Variants in ELAVL1 observed in about 807,000 individuals in gnomAD.
The protein encoded by ELAVL1 is ELAV like RNA binding protein 1.
A neutral mutation model predicts 28.4 loss-of-function variants in ELAVL1; 1 was observed. The observed-to-expected ratio is 0.04, with a 90% CI of 0.01 to 0.17. The LOEUF (loss-of-function observed/expected upper bound fraction) is 0.17. Ranked by LOEUF, ELAVL1 falls within the 10% of genes least tolerant of loss-of-function variation. The pLI is 1.00. For synonymous variants in ELAVL1, 174 were observed against 183.5 expected (o/e 0.95, Z 0.42); for missense variants, 157 against 447.2 (o/e 0.35, Z 5.85).
chr19:7,962,555 G>A lies in ELAVL1; in HGVS notation c.*928C>T, dbSNP rs1241793194. 6.6e-6 allele frequency: 1 copy of A among 152,504 alleles called. No individual in the cohort carries two copies. The highest frequency in any genetic ancestry group is 1.5e-5 in the Non-Finnish European group (1 of 68,024). The allele number at this position is 152,504 out of a possible 1,614,324, so 9.4% of individuals were successfully genotyped here. On this transcript the variant is annotated 3_prime_UTR_variant, in exon 6 of 6. Transcript: ENST00000407627. ...AAAAAGGTCTAAGCGCTCACGAGAA[G>A]GGATGCGAGAAATACAATGCTCAAA...
intron 3 of ELAVL1, among the ~76,000 whole-genome samples, chr19:7,980,779 A>G (rs1206865540): frequency 6.6e-6 from 1 of 152,170 alleles, no homozygotes; most frequent in Admixed American, 6.5e-5. Context: ...GCGCAGAGGG[A>G]GCACTGGGCA....
chr19:7,985,065 G>A (rs1395471978), intron 2 of ELAVL1, among the ~76,000 whole-genome samples: 1 of 152,152 alleles, frequency 6.6e-6, no homozygotes, highest in East Asian at 1.9e-4. Context: ...GACTAGAGGG[G>A]CACGCCACCA....
At chr19:7,977,209 T>A (rs1440780970) in intron 3 of ELAVL1, among the ~76,000 whole-genome samples, 1 of 152,068 alleles carries the variant, frequency 6.6e-6, no homozygotes, top group Non-Finnish European at 1.5e-5. Context: ...GTGACAGGAG[T>A]TCTGCTGTTC....
chr19:7,983,026 C>A (rs1043157658), intron 2 of ELAVL1, among the ~76,000 whole-genome samples: 1 of 152,218 alleles, frequency 6.6e-6, no homozygotes, highest in African/African-American at 2.4e-5. Flanking sequence ...CCACCCCTTT[C>A]CACACTGCCC....
In ELAVL1 at chr19:7,979,458, G is replaced by A. The variant is rs548404768; in HGVS notation, c.276+1625C>T. Among the ~76,000 whole-genome samples the A allele has an allele frequency of 7.2e-5, 11 of 152,224 alleles. No individual in the cohort carries two copies. The highest frequency in any genetic ancestry group is 1.4e-4 in the African/African-American group (6 of 41,458). The stretch of plus-strand genomic sequence containing the variant: ...ACCCGGCTCCTGCATCTGAGTAAAC[G>A]GAACAGCTGTGCAGGAATAATCAAG... On this transcript the variant is annotated intron_variant, in intron 3 of 5. Transcript: ENST00000407627. The surrounding 1 kb of genome is among the most constrained non-coding windows in gnomAD (Gnocchi z 5.4).
chr19:7,991,877 A>G (rs1255493711), intron 1 of ELAVL1, 46 bp from the exon 2 acceptor site: 4 of 1,476,770 alleles, frequency 2.7e-6, no homozygotes, highest in Non-Finnish European at 2.7e-6. Flanking sequence ...TTCATATTGC[A>G]GTATATGAAG....
chr19:7,982,573 G>A lies in ELAVL1; in HGVS notation c.173-1387C>T, dbSNP rs1985491987. Among the ~76,000 whole-genome samples the A allele has an allele frequency of 6.6e-6, 1 of 152,190 alleles. No homozygotes were observed. The highest frequency in any genetic ancestry group is 1.5e-5 in the Non-Finnish European group (1 of 68,032). On this transcript the variant is annotated intron_variant, in intron 2 of 5. Coordinates refer to ENST00000407627, the MANE Select transcript of ELAVL1 (RefSeq NM_001419.3). This position sits in a 1 kb window ranked among gnomAD's most constrained non-coding sequence, Gnocchi z 4.3. ...TTTTAGGTTTACAGAAAAATTACAAGGATAATACCAAGTTCCCATATGGCC... is the reference window on the plus strand; with the variant it reads ...TTTTAGGTTTACAGAAAAATTACAAAGATAATACCAAGTTCCCATATGGCC...
Position 7,994,227 on chromosome 19 carries a change from T to C in ELAVL1, c.-16-2396A>G, listed in dbSNP as rs553198459. On this transcript the variant is annotated intron_variant, in intron 1 of 5. Coordinates refer to ENST00000407627, the MANE Select transcript of ELAVL1 (RefSeq NM_001419.3). ...CTGTGGTTTTCACACTGGGCCATTC[T>C]GCCCCCAAGGGGACACAGGGCAATG... is the stretch of plus-strand genomic sequence containing the variant. Among the ~76,000 whole-genome samples the C allele has an allele frequency of 8.0e-5, 12 of 150,936 alleles. No individual in the cohort carries two copies. The Admixed American group carries it at 8.0e-4, about 10-fold the overall frequency.
At chr19:7,969,353 TGTCCTGTCTCCAC>T (rs1276264980) in intron 4 of ELAVL1, among the ~76,000 whole-genome samples, 1 of 152,184 alleles carries the variant, frequency 6.6e-6, no homozygotes, top group Non-Finnish European at 1.5e-5. Context: ...ACTGTCCCCA[TGTCCTGTCTCCAC>T]GCCTCACACG....
At position 7,981,473 on chromosome 19, in the gene ELAVL1, T is replaced by A. The variant is rs1196670448; in HGVS notation, c.173-287A>T. 6.6e-6 allele frequency among the ~76,000 whole-genome samples: 1 copy of A among 150,634 alleles called. No homozygotes were observed. Among genetic ancestry groups the A allele is most frequent in the Non-Finnish European group, 1.5e-5 (1 of 67,766 alleles). On this transcript the variant is annotated intron_variant, in intron 2 of 5. Transcript: ENST00000407627. The surrounding 1 kb of genome is among the most constrained non-coding windows in gnomAD (Gnocchi z 4.2). ...CTTGGGCTCAAGACAGCCTCCCACC[T>A]CAGCCTCCAGAGTATCTGGGACTAC...
chr19:8,002,288 A>T (rs1599205139), intron 1 of ELAVL1: 1 of 431,248 alleles, frequency 2.3e-6, no homozygotes, highest in East Asian at 7.1e-5. Context: ...TCCAGGAAGC[A>T]TTCTGGGCTC....
rs1375618703 is a variant in ELAVL1, at chr19:7,959,526, G to C, written c.*3957C>G. On this transcript the variant is annotated 3_prime_UTR_variant, in exon 6 of 6. Coordinates refer to ENST00000407627, the MANE Select transcript of ELAVL1 (RefSeq NM_001419.3). ...CTCCGTTAGCCTAACTTAGGTACTG[G>C]CGGTGACTTACAAGTGAGAAAAAAA... 6.6e-6 allele frequency: 1 copy of C among 152,214 alleles called. No individual in the cohort carries two copies. The highest frequency in any genetic ancestry group is 1.9e-4 in the East Asian group (1 of 5,208). The allele number at this position is 152,214 out of a possible 1,614,324, so 9.4% of individuals were successfully genotyped here.
chr19:7,980,653 G>C (rs541130495), intron 3 of ELAVL1, among the ~76,000 whole-genome samples: 1 of 152,316 alleles, frequency 6.6e-6, no homozygotes, highest in Admixed American at 6.5e-5. Flanking sequence ...CTTGTTTACT[G>C]TCTGCACCCC....
rs1984747332 is a variant in ELAVL1, at chr19:7,959,510, C to T, written c.*3973G>A. On this transcript the variant is annotated 3_prime_UTR_variant, in exon 6 of 6. Transcript: ENST00000407627. ...CCAGTCCTGTCAAAGTCTCCGTTAG[C>T]CTAACTTAGGTACTGGCGGTGACTT... 1 of 152,062 alleles carries T rather than the reference C, an allele frequency of 6.6e-6. No individual in the cohort carries two copies. The highest frequency in any genetic ancestry group is 2.4e-5 in the African/African-American group (1 of 41,322). The allele number at this position is 152,062 out of a possible 1,614,324, so 9.4% of individuals were successfully genotyped here.
Position 7,982,422 on chromosome 19 carries a change from T to C in ELAVL1, c.173-1236A>G, listed in dbSNP as rs1221731228. 6.6e-6 allele frequency among the ~76,000 whole-genome samples: 1 copy of C among 152,074 alleles called. No individual in the cohort carries two copies. Among genetic ancestry groups the C allele is most frequent in the African/African-American group, 2.4e-5 (1 of 41,408 alleles). Reference sequence around the variant, plus strand: ...GCCTGGAGCCCCACTGAGGCAGAGATCCTCCTGGCAGCTGGGCCAGGGACA... The same window carrying C: ...GCCTGGAGCCCCACTGAGGCAGAGACCCTCCTGGCAGCTGGGCCAGGGACA... On this transcript the variant is annotated intron_variant, in intron 2 of 5. Transcript: ENST00000407627. The surrounding 1 kb of genome is among the most constrained non-coding windows in gnomAD (Gnocchi z 4.3).
chr19:7,989,818 GAGA>G (rs1350120008), intron 2 of ELAVL1, among the ~76,000 whole-genome samples: 5 of 152,240 alleles, frequency 3.3e-5, no homozygotes, highest in Admixed American at 6.5e-5. Flanking sequence ...GTTGGAAGGA[GAGA>G]AGGCTTTCTT....
At chr19:7,980,620 G>A (rs1361185282) in intron 3 of ELAVL1, among the ~76,000 whole-genome samples, 2 of 152,166 alleles carry the variant, frequency 1.3e-5, no homozygotes, top group African/African-American at 4.8e-5. Context: ...GGCAACTGCC[G>A]GTCACACATG....
chr19:7,994,901 C>A (rs1315103943), intron 1 of ELAVL1, among the ~76,000 whole-genome samples: 1 of 152,140 alleles, frequency 6.6e-6, no homozygotes. Context: ...GCTGCATGAG[C>A]CATGATGGCG....
intron 5 of ELAVL1, among the ~76,000 whole-genome samples, chr19:7,964,501 G>T: frequency 6.6e-6 from 1 of 152,098 alleles, no homozygotes; most frequent in Admixed American, 6.5e-5. Flanking sequence ...CCACACACGT[G>T]GGGCTCTTTC....
Sources: gnomAD v4.1 joint callset for allele counts (sites outside exome capture counted in the v4.1 genomes callset) on GRCh38, gnomAD v4.1.1 for gene constraint, Gnocchi (gnomAD v3.1) non-coding constraint, MANE v1.5 for transcripts, NCBI Gene and HGNC (gene_info 2026-07-23, HGNC 2026-07-21) for gene names.